The following ARSG variants were observed in gnomAD, a reference collection of about 807,000 sequenced individuals.
ARSG encodes arylsulfatase G.
In ARSG, 37 loss-of-function variants were observed where a neutral mutation model predicts 50.5. The ratio of observed to expected loss-of-function variants is 0.73; its 90% confidence interval spans 0.56 to 0.96. The LOEUF (loss-of-function observed/expected upper bound fraction) is 0.96, where lower values mean the gene tolerates loss of function less well. Among genes scored for constraint, ARSG ranks in the 50% least tolerant of loss-of-function variants. ARSG has a pLI of 0.00. For missense variants in ARSG, 629 were observed against 675.3 expected (o/e 0.93, Z 0.76); for synonymous variants, 225 against 254.6 (o/e 0.88, Z 1.11).
Position 68,407,028 on chromosome 17 carries a change from T to G in ARSG, c.1303+5578T>G, listed in dbSNP as rs995049753. On this transcript the variant is annotated intron_variant, in intron 11 of 11. Transcript: ENST00000621439. ...GTCTTAGATTTAAGTTCTTAATCCATGTTGAGTTGATTTTTGTATAAGGTG... is the reference window on the plus strand; with the variant it reads ...GTCTTAGATTTAAGTTCTTAATCCAGGTTGAGTTGATTTTTGTATAAGGTG... 2.6e-5 allele frequency among the ~76,000 whole-genome samples: 4 copies of G among 152,242 alleles called. No homozygotes were observed. The East Asian group carries it at 7.7e-4, about 29-fold the overall frequency.
In ARSG at chr17:68,320,511, A is replaced by C. The variant is rs139061489; in HGVS notation, c.218+12800A>C. ...CGGGGCACTGTCCCAGGTGCTGGGA[A>C]CACAGCTGTGATCCAGACAACCAAA... On this transcript the variant is annotated intron_variant, in intron 2 of 11. Transcript: ENST00000621439. 8.9e-3 allele frequency among the ~76,000 whole-genome samples: 1,352 copies of C among 152,254 alleles called. 21 individuals carry two copies. Among genetic ancestry groups the C allele is most frequent in the African/African-American group, 0.03 (1,250 of 41,544 alleles).
chr17:68,347,244 A>G, intron 4 of ARSG, 72 bp downstream of exon 4: 1 of 1,529,746 alleles, frequency 6.5e-7, no homozygotes, highest in Non-Finnish European at 9.0e-7. Context: ...CTCCATGAAC[A>G]GCTAAGCCAT....
In ARSG at chr17:68,370,395, A is replaced by C. The variant is rs757414282; in HGVS notation, c.902-49A>C. 3.2e-6 allele frequency: 5 copies of C among 1,585,418 alleles called. No homozygotes were observed. In the African/African-American group the frequency reaches 5.4e-5, roughly 17 times the overall value. ...TAGGGCCAGAGTGGGAGGGTCAGCG[A>C]AAGTGTCCAACCAGCCTGGTGACCA... is the stretch of plus-strand genomic sequence containing the variant. On this transcript the variant is annotated intron_variant, in intron 7 of 11. Coordinates refer to ENST00000621439, the MANE Select transcript of ARSG (RefSeq NM_001267727.2).
At chr17:68,343,919 A>G (rs889994943) in intron 3 of ARSG, 128 bp downstream of exon 3, 2 of 959,678 alleles carry the variant, frequency 2.1e-6, no homozygotes, top group Non-Finnish European at 1.5e-6. Context: ...GGATGCTCTC[A>G]GCTATAAGGA....
At chr17:68,437,002 A>AT in the ARSG span, among the ~76,000 whole-genome samples, 16 of 60,692 alleles carry the variant, frequency 2.6e-4, no homozygotes, top group Non-Finnish European at 4.0e-4. Flanking sequence ...TCAAAAAAAA[A>AT]AAAATATATA....
At chr17:68,427,921 ACT>A in the ARSG span, among the ~76,000 whole-genome samples, 1 of 151,282 alleles carries the variant, frequency 6.6e-6, no homozygotes, top group African/African-American at 2.4e-5. Flanking sequence ...ACAGGGTCTC[ACT>A]CTGTTGCCCA....
At chr17:68,413,393 G>A (rs1307426951) in intron 11 of ARSG, among the ~76,000 whole-genome samples, 1 of 152,222 alleles carries the variant, frequency 6.6e-6, no homozygotes, top group Admixed American at 6.5e-5. Flanking sequence ...TGAGGTGTCA[G>A]TCTGCCCCTG....
intron 11 of ARSG, 74 bp from the exon 12 acceptor site, chr17:68,420,115 C>A: frequency 2.0e-6 from 3 of 1,522,590 alleles, no homozygotes; most frequent in Non-Finnish European, 1.8e-6. Context: ...TGTAGAATCA[C>A]TCGCAGCTCT....
the ARSG span, among the ~76,000 whole-genome samples, chr17:68,430,922 C>G: frequency 6.6e-6 from 1 of 152,180 alleles, no homozygotes; most frequent in Non-Finnish European, 1.5e-5. Flanking sequence ...CAGCTCAGAG[C>G]TCTGGGAGGT....
intron 4 of ARSG, among the ~76,000 whole-genome samples, chr17:68,349,708 A>G (rs1288308369): frequency 6.6e-6 from 1 of 152,054 alleles, no homozygotes; most frequent in African/African-American, 2.4e-5. Context: ...ACATGCTGAA[A>G]TCCCATCTCT....
chr17:68,275,768 T>A (rs929997169), intron 1 of ARSG, among the ~76,000 whole-genome samples: 1 of 152,016 alleles, frequency 6.6e-6, no homozygotes, highest in Non-Finnish European at 1.5e-5. Flanking sequence ...GATCACGAGT[T>A]CAGGAGTTAG....
intron 4 of ARSG, among the ~76,000 whole-genome samples, chr17:68,348,360 G>A (rs1211543620): frequency 6.6e-6 from 1 of 152,212 alleles, no homozygotes; most frequent in Non-Finnish European, 1.5e-5. Context: ...ACTGAGACCA[G>A]CTCCTATGCA....
At chr17:68,322,221 G>A (rs2077312196) in intron 2 of ARSG, among the ~76,000 whole-genome samples, 1 of 152,158 alleles carries the variant, frequency 6.6e-6, no homozygotes, top group Non-Finnish European at 1.5e-5. Flanking sequence ...ATATTGCTGG[G>A]GCAGCCCTGC....
chr17:68,342,871 C>T (rs1337241960), intron 2 of ARSG, among the ~76,000 whole-genome samples: 1 of 152,180 alleles, frequency 6.6e-6, no homozygotes, highest in African/African-American at 2.4e-5. Flanking sequence ...GAGAGGGTCA[C>T]CTCCTTCAGC....
At chr17:68,429,868 T>C in the ARSG span, 7 of 1,369,660 alleles carry the variant, frequency 5.1e-6, no homozygotes, top group African/African-American at 1.0e-4. Flanking sequence ...GGATTACAGA[T>C]GTAAGCCACC....
chr17:68,445,331 A>G, the ARSG span, among the ~76,000 whole-genome samples: 2 of 152,194 alleles, frequency 1.3e-5, no homozygotes, highest in African/African-American at 4.8e-5. Context: ...TTTATAGCAC[A>G]GGTCTCCCTC....
At chr17:68,361,345 G>C (rs1226001597) in intron 6 of ARSG, among the ~76,000 whole-genome samples, 3 of 152,264 alleles carry the variant, frequency 2.0e-5, no homozygotes, top group Admixed American at 2.0e-4. Context: ...TGAGGATACA[G>C]TGGGAAGACA....
rs1555755971 is a variant in ARSG at position 68,291,503 on chromosome 17, A to T, written c.-617A>T. 6.7e-6 allele frequency: 1 copy of T among 148,396 alleles called. No homozygotes were observed. The highest frequency in any genetic ancestry group is 2.5e-5 in the African/African-American group (1 of 40,368). 9.2% of individuals were successfully genotyped at this position (148,396 alleles called of 1,614,324 possible). A position where few individuals can be genotyped will look rare whatever the true frequency, so the allele number is the denominator to read the frequency against. ...CTGCCTGGCGCGCGCGCGCCGTCCCACGTGGACCTGAGCCGCGCCGGTCGC... is the reference window on the plus strand; with the variant it reads ...CTGCCTGGCGCGCGCGCGCCGTCCCTCGTGGACCTGAGCCGCGCCGGTCGC... On this transcript the variant is annotated 5_prime_UTR_variant, in exon 1 of 12. Coordinates refer to ENST00000621439, the MANE Select transcript of ARSG (RefSeq NM_001267727.2).
chr17:68,299,458 G>A (rs949883196), intron 1 of ARSG, among the ~76,000 whole-genome samples: 2 of 151,842 alleles, frequency 1.3e-5, no homozygotes, highest in Non-Finnish European at 2.9e-5. Flanking sequence ...CATGACAAGG[G>A]GAAAGATATG....
Sources: allele counts gnomAD v4.1 joint callset (sites outside exome capture counted in the v4.1 genomes callset), GRCh38; gene constraint gnomAD v4.1.1; transcripts MANE v1.5; gene names NCBI Gene and HGNC (gene_info 2026-07-23, HGNC 2026-07-21).